The following UNC13B variants were observed in gnomAD, a reference collection of about 807,000 sequenced individuals.
UNC13B encodes unc-13 homolog B.
A neutral mutation model predicts 211.0 loss-of-function variants in UNC13B; 144 were observed. That is an observed-to-expected ratio of 0.68 (90% CI 0.60 to 0.78). The LOEUF (loss-of-function observed/expected upper bound fraction) is 0.78. Among genes scored for constraint, UNC13B ranks in the 30% least tolerant of loss-of-function variants. The pLI is 0.00. For missense variants in UNC13B, 1,777 were observed against 2,002.0 expected, an observed-to-expected ratio of 0.89 and a Z score of 2.14; for synonymous variants, 709 against 725.8, an observed-to-expected ratio of 0.98 and a Z score of 0.37.
rs1824052670 is a variant in UNC13B, at chr9:35,212,973, A to AT, written c.23-15040dup. On this transcript the variant is annotated intron_variant, in intron 1 of 39. Transcript: ENST00000635942. ...GGGACCTTGGGCAAGGCCTCTTTGA[A>AT]TTCCAGGTTTCTCACCTGCAAAATG... Among the ~76,000 whole-genome samples the AT allele has an allele frequency of 2.0e-5, 3 of 152,314 alleles. No homozygotes were observed. The South Asian group carries it at 6.2e-4, about 32-fold the overall frequency.
At chr9:35,398,463 G>A in intron 31 of UNC13B, 91 bp from the exon 32 acceptor site, 1 of 1,423,570 alleles carries the variant, frequency 7.0e-7, no homozygotes, top group South Asian at 1.2e-5. Flanking sequence ...ATAGGCACTG[G>A]GGTAAGCCCT....
intron 1 of UNC13B, among the ~76,000 whole-genome samples, chr9:35,210,696 G>A (rs1239309649): frequency 6.6e-6 from 1 of 151,474 alleles, no homozygotes; most frequent in East Asian, 1.9e-4. Context: ...GCTAATTTTT[G>A]TATTTTTAGT....
chr9:35,243,297 C>T lies in UNC13B; in HGVS notation c.401C>T (p.Pro134Leu). 6.2e-7 allele frequency: 1 copy of T among 1,613,174 alleles called. No individual in the cohort carries two copies. Among genetic ancestry groups the T allele is most frequent in the Non-Finnish European group, 8.5e-7 (1 of 1,179,476 alleles). Residue 134 changes from proline to leucine, a missense_variant, in exon 6 of 40, where the codon CCA becomes CTA. Transcript: ENST00000635942. ...DTRFELPFDI[P>L]EEEARYWTYK... ...CTTCTTTTTTTTATGGTAGATATCC[C>T]AGAGGAGGAAGCCAGATATTGGACC...
chr9:35,207,991 G>A (rs905891013), intron 1 of UNC13B, among the ~76,000 whole-genome samples: 1 of 152,028 alleles, frequency 6.6e-6, no homozygotes, highest in East Asian at 1.9e-4. Context: ...GTTAATTTTT[G>A]TATGTCATGT....
intron 1 of UNC13B, among the ~76,000 whole-genome samples, chr9:35,181,408 G>A (rs1335095987): frequency 1.3e-5 from 2 of 152,164 alleles, no homozygotes; most frequent in African/African-American, 4.8e-5. Flanking sequence ...TATAGTAACT[G>A]AGATATGACC....
At chr9:35,397,384 G>A (rs1587772746) in intron 29 of UNC13B, 74 bp downstream of exon 29, 3 of 1,584,862 alleles carry the variant, frequency 1.9e-6, no homozygotes, top group East Asian at 4.5e-5. Context: ...CCTGAGCTCA[G>A]CACCTCTCCA....
intron 6 of UNC13B, among the ~76,000 whole-genome samples, chr9:35,247,645 C>A (rs1240683438): frequency 6.6e-6 from 1 of 152,122 alleles, no homozygotes; most frequent in African/African-American, 2.4e-5. Flanking sequence ...TGTTTATATG[C>A]TGAATTAGAT....
chr9:35,264,800 A>T lies in UNC13B; in HGVS notation c.526+5750A>T, dbSNP rs140393967. 7.0e-4 allele frequency among the ~76,000 whole-genome samples: 106 copies of T among 152,308 alleles called. 3 individuals carry two copies. The East Asian group carries it at 0.018, about 25-fold the overall frequency. ...AAAGAGAATTATTCTTGAGTCTTAG[A>T]TCTAATGGAATTCACCTTGGTAGGC... On this transcript the variant is annotated intron_variant, in intron 7 of 39. Transcript: ENST00000635942.
intron 1 of UNC13B, among the ~76,000 whole-genome samples, chr9:35,198,789 A>C (rs1050494218): frequency 6.6e-5 from 10 of 152,122 alleles, no homozygotes; most frequent in Admixed American, 1.3e-4. Flanking sequence ...AACTGGAGCA[A>C]AGTCAGTTTT....
At chr9:35,293,540 T>G (rs1005304953) in intron 7 of UNC13B, among the ~76,000 whole-genome samples, 3 of 152,234 alleles carry the variant, frequency 2.0e-5, no homozygotes, top group Non-Finnish European at 4.4e-5. Context: ...CCCCTTCATC[T>G]GTATGCATGA....
chr9:35,383,112 G>T (rs1834969504), intron 21 of UNC13B, among the ~76,000 whole-genome samples: 1 of 152,172 alleles, frequency 6.6e-6, no homozygotes, highest in East Asian at 1.9e-4. Context: ...CTTCAGTCTT[G>T]CAGGTCCACA....
At chr9:35,381,826 TC>T in intron 20 of UNC13B, 107 bp downstream of exon 20, 1 of 1,352,804 alleles carries the variant, frequency 7.4e-7, no homozygotes, top group Non-Finnish European at 1.0e-6. Context: ...ATGCAGTGAT[TC>T]CTTTACTTTC....
intron 1 of UNC13B, among the ~76,000 whole-genome samples, chr9:35,197,639 T>G (rs774469115): frequency 6.6e-6 from 1 of 152,228 alleles, no homozygotes; most frequent in Non-Finnish European, 1.5e-5. Context: ...ATCCCTAACG[T>G]TGGAGGAGGG....
intron 1 of UNC13B, among the ~76,000 whole-genome samples, chr9:35,166,495 T>C (rs765650043): frequency 2.0e-5 from 3 of 152,178 alleles, no homozygotes; most frequent in Non-Finnish European, 4.4e-5. Context: ...ATACCATTGC[T>C]AACTTTTTTT....
At chr9:35,380,688 G>A (rs1035875456) in intron 18 of UNC13B, 49 bp downstream of exon 18, 4 of 1,610,282 alleles carry the variant, frequency 2.5e-6, no homozygotes, top group Non-Finnish European at 2.5e-6. Flanking sequence ...AAGCATGAAG[G>A]GGACCTGGGA....
At chr9:35,342,388 G>A in intron 11 of UNC13B, 15 of 984,228 alleles carry the variant, frequency 1.5e-5, no homozygotes, top group Non-Finnish European at 1.8e-5. Flanking sequence ...CAACAAGCAG[G>A]GCAAAAGGAA....
intron 9 of UNC13B, 123 bp downstream of exon 9, chr9:35,308,535 G>A (rs1239693462): frequency 2.5e-6 from 1 of 396,268 alleles, no homozygotes; most frequent in African/African-American, 2.1e-5. Context: ...CCTAGTACCC[G>A]AGCTTCATGT....
chr9:35,197,433 C>A (rs1327071316), intron 1 of UNC13B, among the ~76,000 whole-genome samples: 1 of 152,126 alleles, frequency 6.6e-6, no homozygotes, highest in East Asian at 1.9e-4. Flanking sequence ...GTCTTGAACT[C>A]CTGGCCTCAA....
intron 1 of UNC13B, among the ~76,000 whole-genome samples, chr9:35,168,963 T>C (rs1365272772): frequency 1.3e-5 from 2 of 152,172 alleles, no homozygotes; most frequent in African/African-American, 2.4e-5. Flanking sequence ...TGTGAGCCAC[T>C]GTGCCCGACT....
Sources: allele counts gnomAD v4.1 joint callset (sites outside exome capture counted in the v4.1 genomes callset), GRCh38; gene constraint gnomAD v4.1.1; transcripts MANE v1.5; gene names NCBI Gene and HGNC (gene_info 2026-07-23, HGNC 2026-07-21).